The following SMOC1 variants were observed in gnomAD, a reference collection of about 807,000 sequenced individuals.
SMOC1 encodes the protein SPARC-related modular calcium-binding protein 1.
Under a neutral mutation model 56.3 loss-of-function variants are expected in SMOC1, and 22 were observed. The ratio of observed to expected loss-of-function variants is 0.39; its 90% CI spans 0.28 to 0.56. SMOC1 has a LOEUF of 0.56. SMOC1 is among the 20% of genes least tolerant of loss of function. The probability of loss-of-function intolerance (pLI) is 0.61; values close to 1 mark genes in which losing one functional copy is unlikely to be tolerated. For synonymous variants in SMOC1, 193 were observed against 215.0 expected, an observed-to-expected ratio of 0.90 and a Z score of 0.89; for missense variants, 509 against 565.4, an observed-to-expected ratio of 0.90 and a Z score of 1.01.
At chr14:69,905,742 A>G (rs1884390590) in intron 1 of SMOC1, among the ~76,000 whole-genome samples, 1 of 152,150 alleles carries the variant, frequency 6.6e-6, no homozygotes, top group African/African-American at 2.4e-5. Context: ...TGGAAGGGTG[A>G]AGGTGAAAGG....
intron 7 of SMOC1, among the ~76,000 whole-genome samples, chr14:69,999,539 A>C (rs1212559857): frequency 6.6e-6 from 1 of 152,180 alleles, no homozygotes; most frequent in Non-Finnish European, 1.5e-5. Context: ...GCTTGTGTGC[A>C]TTTAAAATAT....
chr14:69,992,310 T>C, intron 5 of SMOC1, 107 bp from the exon 6 acceptor site: 1 of 1,021,320 alleles, frequency 9.8e-7, no homozygotes, highest in Non-Finnish European at 1.5e-6. Context: ...CACTGGGACT[T>C]GGCCGGGCCT....
Position 69,893,727 on chromosome 14 carries a change from T to A in SMOC1, c.99+13950T>A, listed in dbSNP as rs137955805. ...ATTCATTGGCTCAAGTAGCAGAAAG[T>A]ACAGAGGTAAGACAGGTGCCATGGG... is the stretch of plus-strand genomic sequence containing the variant. On this transcript the variant is annotated intron_variant, in intron 1 of 11. Coordinates refer to ENST00000361956, the MANE Select transcript of SMOC1 (RefSeq NM_001034852.3). Among the ~76,000 whole-genome samples the A allele has an allele frequency of 3.3e-5, 5 of 152,302 alleles. No individual in the cohort carries two copies. In the East Asian group the frequency reaches 9.6e-4, roughly 29 times the overall value.
Position 69,919,878 on chromosome 14 carries a change from C to T in SMOC1, c.100-32260C>T, listed in dbSNP as rs566172882. ...TTATCCAATATGAAATTAATACAAC[C>T]ATCTGGACTAAATCATCCTATGAAC... On this transcript the variant is annotated intron_variant, in intron 1 of 11. Transcript: ENST00000361956. Among the ~76,000 whole-genome samples, 7 of 151,994 alleles carry T rather than the reference C, an allele frequency of 4.6e-5. No individual in the cohort carries two copies. The South Asian group carries it at 1.5e-3, about 32-fold the overall frequency.
chr14:70,005,124 A>G (rs1885105210), intron 7 of SMOC1, among the ~76,000 whole-genome samples: 1 of 152,268 alleles, frequency 6.6e-6, no homozygotes, highest in Non-Finnish European at 1.5e-5. Flanking sequence ...AAAGATCTGA[A>G]ACTCAAATCT....
chr14:69,886,574 G>A (rs777076948), intron 1 of SMOC1, among the ~76,000 whole-genome samples: 10 of 152,178 alleles, frequency 6.6e-5, no homozygotes, highest in Non-Finnish European at 1.2e-4. Context: ...CTCAACATGC[G>A]AATTTGAATA....
At chr14:69,993,564 G>A (rs1039235573) in intron 6 of SMOC1, among the ~76,000 whole-genome samples, 2 of 152,180 alleles carry the variant, frequency 1.3e-5, no homozygotes, top group African/African-American at 4.8e-5. Flanking sequence ...TTAACACTGT[G>A]GCTATGGATG....
chr14:69,925,926 C>T (rs558623370), intron 1 of SMOC1, among the ~76,000 whole-genome samples: 9 of 152,284 alleles, frequency 5.9e-5, no homozygotes, highest in South Asian at 4.2e-4. Flanking sequence ...GAGAAGACTG[C>T]GCACACCCTG....
At chr14:70,011,594 G>T (rs227409) in intron 9 of SMOC1, 27 bp downstream of exon 9, 1 of 1,597,710 alleles carries the variant, frequency 6.3e-7, no homozygotes, top group South Asian at 1.1e-5. Flanking sequence ...CCCTGCCGGC[G>T]CCATCACCTC....
chr14:69,903,970 G>A (rs1440513523), intron 1 of SMOC1, among the ~76,000 whole-genome samples: 1 of 151,660 alleles, frequency 6.6e-6, no homozygotes, highest in Non-Finnish European at 1.5e-5. Context: ...GAGCAGAACC[G>A]AAGTCCCCTA....
intron 1 of SMOC1, among the ~76,000 whole-genome samples, chr14:69,887,731 A>G (rs1235101897): frequency 6.6e-6 from 1 of 152,180 alleles, no homozygotes; most frequent in Non-Finnish European, 1.5e-5. Context: ...CAGGTGGCCT[A>G]AGGGCTCATT....
rs1035176930 is a variant in SMOC1 at position 69,956,411 on chromosome 14, G to A, written c.378+2879G>A. ...GCTGCCAAAATGCCGGGAGATGAATGCTTTCTCCTTTCTCCAACCTCCATC... is the reference window on the plus strand; with the variant it reads ...GCTGCCAAAATGCCGGGAGATGAATACTTTCTCCTTTCTCCAACCTCCATC... On this transcript the variant is annotated intron_variant, in intron 3 of 11. Transcript: ENST00000361956. 2.0e-5 allele frequency among the ~76,000 whole-genome samples: 3 copies of A among 147,658 alleles called. No homozygotes were observed. The South Asian group carries it at 6.4e-4, about 31-fold the overall frequency.
intron 1 of SMOC1, among the ~76,000 whole-genome samples, chr14:69,935,631 G>C (rs957254419): frequency 6.6e-6 from 1 of 152,214 alleles, no homozygotes; most frequent in African/African-American, 2.4e-5. Flanking sequence ...TTGTGACCCA[G>C]ACCAAGAAGA....
chr14:69,918,415 A>G (rs923135656), intron 1 of SMOC1, among the ~76,000 whole-genome samples: 3 of 152,038 alleles, frequency 2.0e-5, no homozygotes, highest in Non-Finnish European at 4.4e-5. Flanking sequence ...TTTTGTAGAG[A>G]CAGGGTTTCA....
intron 7 of SMOC1, 137 bp downstream of exon 7, chr14:69,994,617 G>T (rs1884700743): frequency 2.7e-6 from 2 of 737,504 alleles, no homozygotes; most frequent in Admixed American, 2.0e-5. Flanking sequence ...ATAAAATAAA[G>T]AGATTGGATA....
At chr14:70,013,117 G>A (rs939980885) in intron 9 of SMOC1, among the ~76,000 whole-genome samples, 5 of 152,174 alleles carry the variant, frequency 3.3e-5, no homozygotes, top group South Asian at 2.1e-4. Flanking sequence ...TATCTCTAGC[G>A]TTTAACATGG....
chr14:69,952,522 A>G (rs2139439016), intron 2 of SMOC1, among the ~76,000 whole-genome samples: 1 of 152,362 alleles, frequency 6.6e-6, no homozygotes, highest in Middle Eastern at 3.4e-3. Flanking sequence ...GCTAGGGCTT[A>G]AAGAGATGTG....
chr14:70,015,563 G>A lies in SMOC1; in HGVS notation c.1046+2072G>A, dbSNP rs188756638. Among the ~76,000 whole-genome samples the A allele has an allele frequency of 1.1e-4, 16 of 152,250 alleles. No homozygotes were observed. The East Asian group carries it at 1.6e-3, about 15-fold the overall frequency. On this transcript the variant is annotated intron_variant, in intron 10 of 11. Transcript: ENST00000361956. Reference sequence around the variant, plus strand: ...CTTGCCCGGAGCCCCCCATGGTCCCGTGAGCTCTGAGGCTGGTTTCTGGCT... The same window carrying A: ...CTTGCCCGGAGCCCCCCATGGTCCCATGAGCTCTGAGGCTGGTTTCTGGCT...
At chr14:69,962,288 G>T (rs905666939) in intron 3 of SMOC1, among the ~76,000 whole-genome samples, 1 of 151,884 alleles carries the variant, frequency 6.6e-6, no homozygotes, top group Non-Finnish European at 1.5e-5. Flanking sequence ...TCAGCCTCTG[G>T]AATTGCTGGG....
Sources: gnomAD v4.1 joint callset for allele counts (sites outside exome capture counted in the v4.1 genomes callset) on GRCh38, gnomAD v4.1.1 for gene constraint, MANE v1.5 for transcripts, NCBI Gene and HGNC (gene_info 2026-07-23, HGNC 2026-07-21) for gene names.